Variants in TASOR observed in about 807,000 individuals in gnomAD.
TASOR encodes the protein protein TASOR.
Under a neutral mutation model 178.6 loss-of-function variants are expected in TASOR, and 53 were observed. The ratio of observed to expected loss-of-function variants is 0.30; its 90% CI spans 0.24 to 0.37. TASOR has a LOEUF of 0.37. Ranked by LOEUF, TASOR falls within the 10% of genes least tolerant of loss-of-function variation. TASOR has a pLI of 1.00. For missense variants in TASOR, 1,815 were observed against 1,971.4 expected (o/e 0.92, Z 1.50); for synonymous variants, 713 against 696.2 (o/e 1.02, Z -0.38).
At chr3:56,662,327 A>G in intron 9 of TASOR, 58 bp downstream of exon 9, 1 of 863,074 alleles carries the variant, frequency 1.2e-6, no homozygotes, top group Non-Finnish European at 1.8e-6. Context: ...AAATAAGGAA[A>G]AAGGCTCAAG....
chr3:56,623,618 A>C, intron 23 of TASOR, 52 bp from the exon 24 acceptor site: 1 of 1,540,460 alleles, frequency 6.5e-7, no homozygotes, highest in Middle Eastern at 1.8e-4. Flanking sequence ...CAGTTTGTTT[A>C]AGTTTTAAAA....
At chr3:56,680,392 G>A (rs186554043) in intron 1 of TASOR, among the ~76,000 whole-genome samples, 19 of 152,250 alleles carry the variant, frequency 1.2e-4, no homozygotes, top group African/African-American at 4.6e-4. Flanking sequence ...TATTTTGGAT[G>A]TCACACTACT....
chr3:56,667,919 T>C (rs890244999), intron 6 of TASOR, among the ~76,000 whole-genome samples: 2 of 152,238 alleles, frequency 1.3e-5, no homozygotes, highest in African/African-American at 4.8e-5. Flanking sequence ...AAAATAGTTC[T>C]AGGTTTGCAT....
chr3:56,642,257 T>C (rs1196424314), intron 14 of TASOR, among the ~76,000 whole-genome samples: 1 of 152,248 alleles, frequency 6.6e-6, no homozygotes, highest in Admixed American at 6.5e-5. Flanking sequence ...CTTAAATTCA[T>C]AATGAAGCTA....
In TASOR at chr3:56,683,257, C is replaced by G. The variant is rs995595375; in HGVS notation, c.-251G>C. 1.2e-5 allele frequency: 5 copies of G among 414,998 alleles called. No individual in the cohort carries two copies. The highest frequency in any genetic ancestry group is 8.3e-5 in the African/African-American group (4 of 48,320). 25.7% of individuals were successfully genotyped at this position (414,998 alleles called of 1,614,324 possible). ...TCTTCTGCCTTCCCCCGCCACTCAA[C>G]GTGCGCGCGTCGGGGCCGGGAGGGG... On this transcript the variant is annotated 5_prime_UTR_variant, in exon 1 of 24. Transcript: ENST00000683822.
chr3:56,650,340 G>A (rs2077324961), intron 11 of TASOR, among the ~76,000 whole-genome samples: 1 of 152,232 alleles, frequency 6.6e-6, no homozygotes, highest in Admixed American at 6.5e-5. Context: ...GTGGTATTGT[G>A]TTTGGGGGTT....
intron 6 of TASOR, 90 bp downstream of exon 6, chr3:56,668,307 G>C (rs918066665): frequency 1.3e-5 from 16 of 1,233,060 alleles, no homozygotes; most frequent in Non-Finnish European, 1.5e-5. Context: ...ACTAATGTGG[G>C]GACAGAGAGA....
At position 56,668,459 on chromosome 3, in the gene TASOR, C is replaced by A. The variant is rs752197622; in HGVS notation, c.835G>T (p.Val279Leu). 6.4e-7 allele frequency: 1 copy of A among 1,551,534 alleles called. No individual in the cohort carries two copies. Among genetic ancestry groups the A allele is most frequent in the African/African-American group, 1.4e-5 (1 of 73,036 alleles). The part of the protein sequence containing the change: ...LDPTPKHECH[V>L]SKNANRITSL... ...GTAATTCGATTGGCATTCTTTGACA[C>A]GTGACATTCATGCTTTGGTGTGGGG... The change falls in exon 6 of 24, where the codon GTG becomes TTG. Residue 279 changes from valine to leucine, a missense_variant. Physicochemically the swap from Val to Leu is conservative, Grantham distance 32 (BLOSUM62 1). Around this residue, in one of 5 missense-constraint regions of TASOR, gnomAD observed 504 missense variants for 645.3 expected, o/e 0.78. Transcript: ENST00000683822.
At chr3:56,629,271 T>C (rs889747289) in intron 18 of TASOR, among the ~76,000 whole-genome samples, 9 of 152,128 alleles carry the variant, frequency 5.9e-5, no homozygotes, top group Admixed American at 1.3e-4. Context: ...TTAGTTATTA[T>C]AGAGGTTAAT....
Position 56,622,812 on chromosome 3 carries a change from A to T in TASOR, c.*225T>A, listed in dbSNP as rs2076716522. On this transcript the variant is annotated 3_prime_UTR_variant, in exon 24 of 24. Transcript: ENST00000683822. ...GAAGCCTAAGTACAGGTAACATACA[A>T]AAAGTAAAACTTAGAAGTGCCAACA... 3.2e-6 allele frequency: 1 copy of T among 316,736 alleles called. No homozygotes were observed. The highest frequency in any genetic ancestry group is 5.6e-6 in the Non-Finnish European group (1 of 177,582). 19.6% of individuals were successfully genotyped at this position (316,736 alleles called of 1,614,324 possible). A position where few individuals can be genotyped will look rare whatever the true frequency, so the allele number is the denominator to read the frequency against.
At chr3:56,632,858 G>C (rs2076944496) in intron 18 of TASOR, among the ~76,000 whole-genome samples, 186 bp downstream of exon 18, 1 of 152,152 alleles carries the variant, frequency 6.6e-6, no homozygotes, top group Non-Finnish European at 1.5e-5. Flanking sequence ...GGCTTGTCAT[G>C]AACTCCTGGC....
At chr3:56,658,658 A>T (rs1309908983) in intron 11 of TASOR, among the ~76,000 whole-genome samples, 1 of 152,180 alleles carries the variant, frequency 6.6e-6, no homozygotes, top group East Asian at 1.9e-4. Context: ...GGCTCACCCA[A>T]CACTTTGGGA....
At chr3:56,629,908 T>G (rs2076874148) in intron 18 of TASOR, among the ~76,000 whole-genome samples, 1 of 152,028 alleles carries the variant, frequency 6.6e-6, no homozygotes, top group Admixed American at 6.6e-5. Flanking sequence ...TTTGGGCAGA[T>G]CTCAGACCAG....
rs533313337 is a variant in TASOR, at chr3:56,639,232, G to T, written c.2765-467C>A. ...AGGCCAGTCTACTTTGTAACAAAAA[G>T]TTGTTTGCTGTTGCTATTGTTTTTA... On this transcript the variant is annotated intron_variant, in intron 16 of 23. Coordinates refer to ENST00000683822, the MANE Select transcript of TASOR (RefSeq NM_001365635.2). Among the ~76,000 whole-genome samples, 3 of 152,322 alleles carry T rather than the reference G, an allele frequency of 2.0e-5. No individual in the cohort carries two copies. The East Asian group carries it at 5.8e-4, about 29-fold the overall frequency.
At chr3:56,624,690 G>A in intron 22 of TASOR, 47 bp from the exon 23 acceptor site, 3 of 1,574,792 alleles carry the variant, frequency 1.9e-6, no homozygotes, top group South Asian at 1.1e-5. Flanking sequence ...TCAAAATATA[G>A]ACAGCCCCTA....
chr3:56,638,810 C>T (rs771495719), intron 16 of TASOR, 45 bp from the exon 17 acceptor site: 9 of 1,543,544 alleles, frequency 5.8e-6, no homozygotes, highest in Non-Finnish European at 8.1e-6. Flanking sequence ...ATTAGTGATA[C>T]CTACACTAAG....
At chr3:56,664,786 GA>G (rs1003502483) in intron 7 of TASOR, among the ~76,000 whole-genome samples, 2 of 151,780 alleles carry the variant, frequency 1.3e-5, no homozygotes, top group African/African-American at 4.8e-5. Flanking sequence ...AACACATGGG[GA>G]AAAAAAATGG....
At chr3:56,641,119 A>C (rs545414495) in intron 15 of TASOR, among the ~76,000 whole-genome samples, 44 of 152,358 alleles carry the variant, frequency 2.9e-4, no homozygotes, top group African/African-American at 1.1e-3. Flanking sequence ...TATCACAAGT[A>C]AACTGTAGAC....
intron 8 of TASOR, 38 bp downstream of exon 8, chr3:56,663,502 CT>C: frequency 9.9e-7 from 1 of 1,012,576 alleles, no homozygotes; most frequent in Non-Finnish European, 1.4e-6. Flanking sequence ...TGTACTTATT[CT>C]TTCCATTTAT....
Sources: gnomAD v4.1 joint callset for allele counts (sites outside exome capture counted in the v4.1 genomes callset) on GRCh38, gnomAD v4.1.1 for gene constraint, gnomAD v4.1.1 regional missense constraint, MANE v1.5 for transcripts, NCBI Gene and HGNC (gene_info 2026-07-23, HGNC 2026-07-21) for gene names.